The following SUZ12 variants were observed in gnomAD, a reference collection of about 807,000 sequenced individuals.
SUZ12 encodes the protein polycomb protein SUZ12.
A neutral mutation model predicts 87.3 loss-of-function variants in SUZ12; 17 were observed. The ratio of observed to expected loss-of-function variants is 0.19; its 90% CI spans 0.13 to 0.29. The LOEUF (loss-of-function observed/expected upper bound fraction) is 0.29, where lower values mean the gene tolerates loss of function less well. Among genes scored for constraint, SUZ12 ranks in the 10% least tolerant of loss-of-function variants. SUZ12 has a pLI of 1.00. For synonymous variants in SUZ12, 253 were observed against 312.4 expected, an observed-to-expected ratio of 0.81 and a Z score of 2.01; for missense variants, 526 against 912.2, an observed-to-expected ratio of 0.58 and a Z score of 5.45.
intron 1 of SUZ12, 94 bp downstream of exon 1, chr17:31,937,614 C>G (rs1906019553): frequency 6.7e-7 from 1 of 1,485,994 alleles, no homozygotes; most frequent in Non-Finnish European, 9.0e-7. Context: ...CTCGGGAGTC[C>G]ACTTGTGTGG....
At chr17:31,994,868 A>G in intron 13 of SUZ12, 147 bp downstream of exon 13, 1 of 717,316 alleles carries the variant, frequency 1.4e-6, no homozygotes, top group Non-Finnish European at 2.1e-6. Context: ...TAACTACTTT[A>G]TAACACTTGA....
intron 4 of SUZ12, among the ~76,000 whole-genome samples, chr17:31,961,547 CA>C (rs1907714987): frequency 6.6e-6 from 1 of 152,042 alleles, no homozygotes; most frequent in African/African-American, 2.4e-5. Flanking sequence ...GTCTCAAAAA[CA>C]AAACAAAACA....
At chr17:31,947,528 C>T (rs1274647055) in intron 3 of SUZ12, 89 bp from the exon 4 acceptor site, 109 of 1,460,270 alleles carry the variant, frequency 7.5e-5, no homozygotes, top group Non-Finnish European at 9.9e-5. Context: ...AATCTGGTTT[C>T]CATCTTGCCT....
intron 4 of SUZ12, among the ~76,000 whole-genome samples, chr17:31,960,566 A>G (rs143212950): frequency 0.11 from 16,188 of 151,562 alleles, 1,040 homozygotes; most frequent in Middle Eastern, 0.15. Flanking sequence ...CACATTCCCA[A>G]TGTCACCTTT....
Position 31,976,715 on chromosome 17 carries a change from T to G in SUZ12, c.917+101T>G, listed in dbSNP as rs965027853. 19 of 864,060 alleles carry G rather than the reference T, an allele frequency of 2.2e-5. No homozygotes were observed. In the Admixed American group the frequency reaches 4.2e-4, roughly 19 times the overall value. 53.5% of individuals were successfully genotyped at this position (864,060 alleles called of 1,614,324 possible). ...ATATTGATTATTTCATTGCCTTTGTTTCTTTTTATTCTTACGGATGAAAAA... is the reference window on the plus strand; with the variant it reads ...ATATTGATTATTTCATTGCCTTTGTGTCTTTTTATTCTTACGGATGAAAAA... On this transcript the variant is annotated intron_variant, in intron 8 of 15. Transcript: ENST00000322652.
intron 1 of SUZ12, among the ~76,000 whole-genome samples, chr17:31,940,080 A>T (rs1906181665): frequency 6.6e-6 from 1 of 152,198 alleles, no homozygotes; most frequent in African/African-American, 2.4e-5. Flanking sequence ...AAAAGCATAG[A>T]TGAACTTTGT....
chr17:31,994,743 G>C (rs473356), intron 13 of SUZ12, 22 bp downstream of exon 13: 212,395 of 1,604,418 alleles, frequency 0.13, 15,315 homozygotes, highest in Middle Eastern at 0.18. Flanking sequence ...GGGCATATAA[G>C]AAAAGTTTAA....
chr17:31,999,550 A>G lies in SUZ12; in HGVS notation c.*547A>G, dbSNP rs777793601. ...TTTTTGAAATCATTTGTCAATTCGGAATGAAAAATTATAATGTAATTTTAC... is the reference window on the plus strand; with the variant it reads ...TTTTTGAAATCATTTGTCAATTCGGGATGAAAAATTATAATGTAATTTTAC... On this transcript the variant is annotated 3_prime_UTR_variant, in exon 16 of 16. Transcript: ENST00000322652. The G allele has an allele frequency of 4.3e-6, 1 of 231,122 alleles. No individual in the cohort carries two copies. Among genetic ancestry groups the G allele is most frequent in the Non-Finnish European group, 8.6e-6 (1 of 116,824 alleles). 14.3% of individuals were successfully genotyped at this position (231,122 alleles called of 1,614,324 possible).
chr17:31,982,520 A>G (rs1027608686), intron 8 of SUZ12, among the ~76,000 whole-genome samples: 2 of 152,114 alleles, frequency 1.3e-5, no homozygotes, highest in African/African-American at 4.8e-5. Context: ...TTAGCTGGGC[A>G]TAGTGGCACG....
intron 5 of SUZ12, among the ~76,000 whole-genome samples, chr17:31,970,665 G>A (rs1483282277): frequency 6.6e-6 from 1 of 152,008 alleles, no homozygotes; most frequent in African/African-American, 2.4e-5. Flanking sequence ...TTGGTGGCTT[G>A]TGCCTGTAGT....
chr17:31,993,109 G>A, intron 10 of SUZ12, 133 bp from the exon 11 acceptor site: 1 of 579,002 alleles, frequency 1.7e-6, no homozygotes, highest in Non-Finnish European at 3.0e-6. Context: ...AGTTGAGGGA[G>A]ATAACAGAAA....
At position 31,994,702 on chromosome 17, in the gene SUZ12, A is replaced by G; in HGVS notation, c.1576A>G (p.Thr526Ala). 1 of 1,613,872 alleles carries G rather than the reference A, an allele frequency of 6.2e-7. No individual in the cohort carries two copies. Among genetic ancestry groups the G allele is most frequent in the South Asian group, 1.1e-5 (1 of 90,958 alleles). Residue 526 changes from threonine (T) to alanine (A), a missense_variant, in exon 13 of 16, where the codon ACA becomes GCA. Thr to Ala is a moderately conservative substitution (Grantham distance 58). Coordinates refer to ENST00000322652, the MANE Select transcript of SUZ12 (RefSeq NM_015355.4). Reference protein sequence around the residue: ...RNGPVKRTPITHILVCRPKRT... With the variant: ...RNGPVKRTPIAHILVCRPKRT... ...CGGACCAGTTAAGAGAACACCTATC[A>G]CACATATTCTTGTGTGCAGGTAGGT...
chr17:31,988,994 C>T, intron 10 of SUZ12, among the ~76,000 whole-genome samples: 1 of 151,714 alleles, frequency 6.6e-6, no homozygotes, highest in Non-Finnish European at 1.5e-5. Context: ...ATGGCGTGAA[C>T]CCAGAAGGTG....
intron 14 of SUZ12, 75 bp from the exon 15 acceptor site, chr17:31,996,723 C>A: frequency 1.9e-6 from 2 of 1,035,810 alleles, no homozygotes; most frequent in Non-Finnish European, 2.8e-6. Flanking sequence ...AGTTCCAAAA[C>A]ATTCTGTTTT....
chr17:31,965,910 A>T (rs1343494254), intron 4 of SUZ12: 3 of 349,520 alleles, frequency 8.6e-6, no homozygotes, highest in Non-Finnish European at 1.6e-5. Flanking sequence ...TTTTGTTCTT[A>T]CTTTTTGTGA....
chr17:31,973,743 C>T (rs1025918092), intron 6 of SUZ12, among the ~76,000 whole-genome samples: 19 of 152,154 alleles, frequency 1.2e-4, no homozygotes, highest in Admixed American at 8.5e-4. Context: ...CCTGGTCAAC[C>T]GATCAAAGCC....
At chr17:31,952,215 C>T (rs187916915) in intron 4 of SUZ12, among the ~76,000 whole-genome samples, 1 of 152,208 alleles carries the variant, frequency 6.6e-6, no homozygotes, top group African/African-American at 2.4e-5. Flanking sequence ...TGCATGCCAC[C>T]ATGCCTGGCT....
At chr17:31,956,622 C>A (rs1027444922) in intron 4 of SUZ12, among the ~76,000 whole-genome samples, 9 of 152,126 alleles carry the variant, frequency 5.9e-5, no homozygotes, top group African/African-American at 2.2e-4. Context: ...CACTTCAGAA[C>A]CTCGAGATAT....
intron 4 of SUZ12, among the ~76,000 whole-genome samples, chr17:31,952,573 G>GT (rs901278419): frequency 6.6e-6 from 1 of 151,962 alleles, no homozygotes; most frequent in Non-Finnish European, 1.5e-5. Flanking sequence ...TTTTGTTGCT[G>GT]TTTTTTTGAG....
Sources: gnomAD v4.1 joint callset for allele counts (sites outside exome capture counted in the v4.1 genomes callset) on GRCh38, gnomAD v4.1.1 for gene constraint, MANE v1.5 for transcripts, NCBI Gene and HGNC (gene_info 2026-07-23, HGNC 2026-07-21) for gene names.